MRPS27: variants seen among roughly 807,000 people sequenced by gnomAD.
MRPS27 encodes mitochondrial ribosomal protein S27.
MRPS27 carries 43 observed loss-of-function variants against 48.9 expected under a neutral mutation model. That is an observed-to-expected ratio of 0.88 (90% CI 0.69 to 1.13). MRPS27 has a LOEUF of 1.13. MRPS27 is among the 50% of genes most tolerant of loss of function. The pLI, the probability that MRPS27 is intolerant of heterozygous loss-of-function variation, is 0.00. For missense variants in MRPS27, 467 were observed against 476.3 expected (o/e 0.98, Z 0.18); for synonymous variants, 188 against 171.9 (o/e 1.09, Z -0.73).
At chr5:72,263,072 C>A (rs1422070752) in intron 4 of MRPS27, among the ~76,000 whole-genome samples, 1 of 152,142 alleles carries the variant, frequency 6.6e-6, no homozygotes, top group Non-Finnish European at 1.5e-5. Context: ...CTCGTTTGGT[C>A]ACAAGGCACC....
At chr5:72,276,258 T>C (rs1749371647) in intron 4 of MRPS27, among the ~76,000 whole-genome samples, 1 of 151,912 alleles carries the variant, frequency 6.6e-6, no homozygotes, top group South Asian at 2.1e-4. Context: ...AGAAATAAGA[T>C]CACACATCTA....
intron 7 of MRPS27, among the ~76,000 whole-genome samples, chr5:72,231,530 T>G (rs1036319544): frequency 6.6e-6 from 1 of 152,194 alleles, no homozygotes; most frequent in Non-Finnish European, 1.5e-5. Flanking sequence ...AGAAAATGTT[T>G]GCTCACCAGT....
At chr5:72,269,094 A>G (rs1749169901) in intron 4 of MRPS27, among the ~76,000 whole-genome samples, 1 of 152,216 alleles carries the variant, frequency 6.6e-6, no homozygotes, top group African/African-American at 2.4e-5. Context: ...AGGGTGCAGT[A>G]TAATTCAGGA....
At chr5:72,234,085 C>T (rs775586645) in intron 6 of MRPS27, 34 bp downstream of exon 6, 5 of 1,466,906 alleles carry the variant, frequency 3.4e-6, no homozygotes, top group Non-Finnish European at 4.5e-6. Context: ...AGCTGGAAGC[C>T]CTATAAACAC....
In MRPS27 at chr5:72,241,612, T is replaced by C. The variant is rs1009279962; in HGVS notation, c.282-3484A>G. The C allele has an allele frequency of 3.3e-5, 51 of 1,526,530 alleles. 2 individuals carry two copies. The Admixed American group carries it at 9.8e-4, about 29-fold the overall frequency. The allele number at this position is 1,526,530 out of a possible 1,614,324, so 94.6% of individuals were successfully genotyped here. A position where few individuals can be genotyped will look rare whatever the true frequency, so the allele number is the denominator to read the frequency against. On this transcript the variant is annotated intron_variant, in intron 4 of 10. Transcript: ENST00000261413. ...GACTTTTCAACTTCCAGTAGTAATATGTCAGGTGAGTGAGTCTCTGGAATG... is the reference window on the plus strand; with the variant it reads ...GACTTTTCAACTTCCAGTAGTAATACGTCAGGTGAGTGAGTCTCTGGAATG...
intron 8 of MRPS27, chr5:72,227,875 T>C (rs1423789233): frequency 1.3e-5 from 3 of 233,852 alleles, no homozygotes; most frequent in Admixed American, 1.1e-4. Flanking sequence ...AGTTCAACTC[T>C]AACTCTTAAT....
intron 7 of MRPS27, 82 bp from the exon 8 acceptor site, chr5:72,228,450 A>G: frequency 1.1e-6 from 1 of 879,452 alleles, no homozygotes; most frequent in Non-Finnish European, 1.8e-6. Flanking sequence ...GACATGAGGA[A>G]AAGAACATGT....
At chr5:72,225,602 C>T (rs1003612215) in intron 9 of MRPS27, among the ~76,000 whole-genome samples, 2 of 152,196 alleles carry the variant, frequency 1.3e-5, no homozygotes, top group African/African-American at 4.8e-5. Context: ...GAGATCTCAT[C>T]AGCATCACAC....
rs184610561 is a variant in MRPS27, at chr5:72,275,369, G to T, written c.281+20162C>A. Among the ~76,000 whole-genome samples the T allele has an allele frequency of 1.7e-3, 266 of 152,264 alleles. 1 individual carries two copies. Among genetic ancestry groups the T allele is most frequent in the Non-Finnish European group, 2.8e-3 (193 of 68,024 alleles). Reference sequence around the variant, plus strand: ...GGAGAACTACAAACCACTGCTCAAGGAAGTAAGAGAGGACACAAACAAATG... The same window carrying T: ...GGAGAACTACAAACCACTGCTCAAGTAAGTAAGAGAGGACACAAACAAATG... On this transcript the variant is annotated intron_variant, in intron 4 of 10. Coordinates refer to ENST00000261413, the MANE Select transcript of MRPS27 (RefSeq NM_015084.3).
At chr5:72,240,941 C>T (rs1007150628) in intron 4 of MRPS27, among the ~76,000 whole-genome samples, 6 of 152,220 alleles carry the variant, frequency 3.9e-5, no homozygotes, top group African/African-American at 1.4e-4. Flanking sequence ...TAAGTCTACT[C>T]CCTCTCCTAT....
At chr5:72,241,486 C>A in intron 4 of MRPS27, 1 of 625,072 alleles carries the variant, frequency 1.6e-6, no homozygotes, top group Non-Finnish European at 2.8e-6. Context: ...GGAATATAAA[C>A]AAGTCAAAAC....
intron 4 of MRPS27, among the ~76,000 whole-genome samples, chr5:72,287,445 G>T (rs1345623214): frequency 6.6e-6 from 1 of 152,168 alleles, no homozygotes; most frequent in Non-Finnish European, 1.5e-5. Flanking sequence ...TTCAAGACCG[G>T]CCTTGCCAAC....
chr5:72,308,217 G>A (rs961887198), intron 2 of MRPS27, among the ~76,000 whole-genome samples: 1 of 152,188 alleles, frequency 6.6e-6, no homozygotes, highest in African/African-American at 2.4e-5. Flanking sequence ...CCACGAGGAC[G>A]AAGAGAGGGG....
At chr5:72,265,449 A>C (rs773286557) in intron 4 of MRPS27, among the ~76,000 whole-genome samples, 6 of 152,256 alleles carry the variant, frequency 3.9e-5, no homozygotes, top group Non-Finnish European at 8.8e-5. Context: ...GTTGGGCAAC[A>C]CTGAATGATC....
rs764495347 is a variant in MRPS27, at chr5:72,226,192, C to T, written c.702G>A (p.Val234=). ...QLYGYALLGK[V]ELQQGLRAVY... ...CAGCCCGTAGCCCTTGCTGCAACTCCACCTTCCCTGTGGCCAAAAAGAACA... is the reference window on the plus strand; with the variant it reads ...CAGCCCGTAGCCCTTGCTGCAACTCTACCTTCCCTGTGGCCAAAAAGAACA... Residue 234 remains valine (V), a synonymous_variant, in exon 9 of 11, where the codon GTG becomes GTA. Transcript: ENST00000261413. 2.2e-5 allele frequency: 36 copies of T among 1,613,512 alleles called. No individual in the cohort carries two copies. Among genetic ancestry groups the T allele is most frequent in the Non-Finnish European group, 2.9e-5 (34 of 1,179,674 alleles).
Position 72,238,192 on chromosome 5 carries a change from T to A in MRPS27, c.282-64A>T, listed in dbSNP as rs1748255374. On this transcript the variant is annotated intron_variant, in intron 4 of 10. Transcript: ENST00000261413. The stretch of plus-strand genomic sequence containing the variant: ...CTTATATGTTAAAACACATCTTCCA[T>A]CGATAGGTCCTTCTCTTAGATACTT... 11 of 1,062,174 alleles carry A rather than the reference T, an allele frequency of 1.0e-5. No homozygotes were observed. In the Admixed American group the frequency reaches 1.8e-4, roughly 17 times the overall value. 65.8% of individuals were successfully genotyped at this position (1,062,174 alleles called of 1,614,324 possible). A position where few individuals can be genotyped will look rare whatever the true frequency, so the allele number is the denominator to read the frequency against.
At chr5:72,291,916 G>T (rs926671254) in intron 4 of MRPS27, among the ~76,000 whole-genome samples, 4 of 152,214 alleles carry the variant, frequency 2.6e-5, no homozygotes, top group Non-Finnish European at 5.9e-5. Context: ...CACTCATAAA[G>T]AGGTTTACCA....
chr5:72,264,576 C>A (rs984305489), intron 4 of MRPS27, among the ~76,000 whole-genome samples: 2 of 152,058 alleles, frequency 1.3e-5, no homozygotes, highest in Non-Finnish European at 2.9e-5. Context: ...GTGTAGGGGG[C>A]TTAATCCAAT....
intron 10 of MRPS27, 125 bp downstream of exon 10, chr5:72,223,557 AT>A: frequency 8.4e-7 from 1 of 1,192,002 alleles, no homozygotes; most frequent in Non-Finnish European, 1.2e-6. Flanking sequence ...TAAAAATGTA[AT>A]TTTTGATGTC....
Sources: allele counts gnomAD v4.1 joint callset (sites outside exome capture counted in the v4.1 genomes callset), GRCh38; gene constraint gnomAD v4.1.1; transcripts MANE v1.5; gene names NCBI Gene and HGNC (gene_info 2026-07-23, HGNC 2026-07-21).